MAMDC2: variants seen among roughly 807,000 people sequenced by gnomAD.
MAMDC2 encodes the protein MAM domain containing 2.
Under a neutral mutation model 89.8 loss-of-function variants are expected in MAMDC2, and 57 were observed. The ratio of observed to expected loss-of-function variants is 0.63; its 90% confidence interval spans 0.51 to 0.79. The LOEUF (loss-of-function observed/expected upper bound fraction) is 0.79. MAMDC2 is among the 30% of genes least tolerant of loss of function. MAMDC2 has a pLI of 0.00. For synonymous variants in MAMDC2, 313 were observed against 293.4 expected, an observed-to-expected ratio of 1.07 and a Z score of -0.68; for missense variants, 800 against 820.6, an observed-to-expected ratio of 0.97 and a Z score of 0.31.
intron 3 of MAMDC2, among the ~76,000 whole-genome samples, chr9:70,109,513 GCA>G (rs1280059677): frequency 6.6e-6 from 1 of 152,148 alleles, no homozygotes; most frequent in African/African-American, 2.4e-5. Flanking sequence ...GAGTTTATGT[GCA>G]CATGCGCATG....
At chr9:70,171,405 C>T (rs753838478) in intron 11 of MAMDC2, among the ~76,000 whole-genome samples, 7 of 151,840 alleles carry the variant, frequency 4.6e-5, no homozygotes, top group Non-Finnish European at 1.0e-4. Flanking sequence ...AAGGCTGAGG[C>T]AGGAGGATTG....
intron 2 of MAMDC2, among the ~76,000 whole-genome samples, chr9:70,057,300 T>G (rs191003759): frequency 1.2e-4 from 18 of 152,276 alleles, no homozygotes; most frequent in Admixed American, 9.8e-4. Flanking sequence ...ATGTCTTAAT[T>G]TCTGTCATGA....
intron 4 of MAMDC2, among the ~76,000 whole-genome samples, chr9:70,112,221 AT>A (rs1387594111): frequency 1.3e-5 from 2 of 152,336 alleles, no homozygotes; most frequent in Non-Finnish European, 2.9e-5. Flanking sequence ...CAATGGAGGC[AT>A]TAGCTTGTGG....
At chr9:70,210,845 C>T (rs1315477439) in intron 11 of MAMDC2, among the ~76,000 whole-genome samples, 2 of 152,130 alleles carry the variant, frequency 1.3e-5, no homozygotes, top group East Asian at 1.9e-4. Flanking sequence ...AACCTCTCAG[C>T]ATTTGTTTGT....
intron 7 of MAMDC2, among the ~76,000 whole-genome samples, chr9:70,133,567 T>C (rs1373876516): frequency 1.3e-5 from 2 of 152,232 alleles, no homozygotes; most frequent in Admixed American, 1.3e-4. Context: ...TTAAATGGTT[T>C]AATTGCATCA....
chr9:70,202,568 G>A (rs1255325180), intron 11 of MAMDC2, among the ~76,000 whole-genome samples: 2 of 149,272 alleles, frequency 1.3e-5, no homozygotes, highest in Non-Finnish European at 3.0e-5. Context: ...ATGTCTATTA[G>A]GTCCGCTTGG....
chr9:70,110,823 G>C (rs777925397), intron 4 of MAMDC2, among the ~76,000 whole-genome samples: 26 of 152,202 alleles, frequency 1.7e-4, no homozygotes, highest in Non-Finnish European at 3.2e-4. Context: ...GGGGCATAAT[G>C]AGGGTAATAC....
intron 2 of MAMDC2, among the ~76,000 whole-genome samples, chr9:70,061,660 A>G (rs1229085582): frequency 2.0e-5 from 3 of 152,208 alleles, no homozygotes; most frequent in Non-Finnish European, 4.4e-5. Context: ...ATATTTTAAT[A>G]CACTATTTAA....
chr9:70,060,305 G>T (rs1827119266), intron 2 of MAMDC2, among the ~76,000 whole-genome samples: 1 of 152,098 alleles, frequency 6.6e-6, no homozygotes, highest in Admixed American at 6.6e-5. Flanking sequence ...AGTCCCTGTG[G>T]CAATTCAGCC....
rs1311156205 is a variant in MAMDC2, at chr9:70,226,266, A to G, written c.*234A>G. The G allele has an allele frequency of 9.9e-6, 3 of 301,600 alleles. No homozygotes were observed. The highest frequency in any genetic ancestry group is 1.2e-5 in the Non-Finnish European group (2 of 163,386). 18.7% of individuals were successfully genotyped at this position (301,600 alleles called of 1,614,324 possible). On this transcript the variant is annotated 3_prime_UTR_variant, in exon 14 of 14. Transcript: ENST00000377182. ...GCTACTGGTTTTGCATAGATCATTC[A>G]TCTTAATTTTGGTACCAGTTAAAAA...
At chr9:70,205,782 G>A (rs2033212505) in intron 11 of MAMDC2, among the ~76,000 whole-genome samples, 1 of 152,126 alleles carries the variant, frequency 6.6e-6, no homozygotes, top group African/African-American at 2.4e-5. Flanking sequence ...CATGTGAGCT[G>A]GTCTGAAGCT....
At chr9:70,107,136 G>A (rs116429796) in intron 2 of MAMDC2, among the ~76,000 whole-genome samples, 16 of 152,094 alleles carry the variant, frequency 1.1e-4, no homozygotes, top group African/African-American at 3.4e-4. Flanking sequence ...GAATCTGCAG[G>A]CCAGAAAGGC....
At chr9:70,092,617 A>AG (rs1827929028) in intron 2 of MAMDC2, 1 of 152,214 alleles carries the variant, frequency 6.6e-6, no homozygotes, top group Non-Finnish European at 1.5e-5. Flanking sequence ...GGCTCATGGA[A>AG]GGAAGGTTAA....
intron 9 of MAMDC2, 87 bp from the exon 10 acceptor site, chr9:70,168,615 G>A (rs879191191): frequency 2.7e-5 from 27 of 1,006,988 alleles, no homozygotes; most frequent in East Asian, 2.4e-4. Flanking sequence ...GCCTATGCTC[G>A]CCTGCTGTGC....
intron 2 of MAMDC2, among the ~76,000 whole-genome samples, chr9:70,090,123 TCACACACACACACA>T (rs56982239): frequency 6.8e-6 from 1 of 148,110 alleles, no homozygotes; most frequent in South Asian, 2.2e-4. Context: ...GCCAAGGATG[TCACACACACACACA>T]CACACACACA....
chr9:70,102,484 G>C (rs115990932), intron 2 of MAMDC2, among the ~76,000 whole-genome samples: 2,856 of 152,236 alleles, frequency 0.019, 103 homozygotes, highest in African/African-American at 0.066. Context: ...GGAAGTTATC[G>C]ATACATTGAG....
At chr9:70,192,357 C>T (rs2032897269) in intron 11 of MAMDC2, among the ~76,000 whole-genome samples, 1 of 151,966 alleles carries the variant, frequency 6.6e-6, no homozygotes, top group Non-Finnish European at 1.5e-5. Context: ...GATTATTATA[C>T]TCAAAATATA....
chr9:70,149,873 G>A (rs2031529958), intron 9 of MAMDC2, among the ~76,000 whole-genome samples: 1 of 152,200 alleles, frequency 6.6e-6, no homozygotes, highest in Non-Finnish European at 1.5e-5. Flanking sequence ...ACTGAAACCA[G>A]GCATGGTAGC....
chr9:70,054,336 T>C (rs893639941), intron 2 of MAMDC2, among the ~76,000 whole-genome samples: 2 of 151,158 alleles, frequency 1.3e-5, no homozygotes, highest in African/African-American at 4.9e-5. Flanking sequence ...AGGAAGGAGA[T>C]GGGGACATGA....
Sources: allele counts gnomAD v4.1 joint callset (sites outside exome capture counted in the v4.1 genomes callset), GRCh38; gene constraint gnomAD v4.1.1; transcripts MANE v1.5; gene names NCBI Gene and HGNC (gene_info 2026-07-23, HGNC 2026-07-21).